RHOBTB3: variants seen among roughly 807,000 people sequenced by gnomAD.
The protein encoded by RHOBTB3 is rho-related BTB domain-containing protein 3.
RHOBTB3 carries 47 observed loss-of-function variants against 67.2 expected under a neutral mutation model. The ratio of observed to expected loss-of-function variants is 0.70; its 90% CI spans 0.55 to 0.89. The LOEUF is 0.89. Ranked by LOEUF, RHOBTB3 falls within the 40% of genes least tolerant of loss-of-function variation. RHOBTB3 has a pLI of 0.00. For synonymous variants in RHOBTB3, 273 were observed against 274.2 expected (o/e 1.00, Z 0.04); for missense variants, 631 against 750.0 (o/e 0.84, Z 1.85).
intron 4 of RHOBTB3, among the ~76,000 whole-genome samples, chr5:95,748,934 C>T (rs904883577): frequency 2.6e-5 from 4 of 152,180 alleles, no homozygotes; most frequent in African/African-American, 9.7e-5. Flanking sequence ...TCCTCCTAAT[C>T]TTGTTGTGGC....
chr5:95,735,881 GCC>G (rs1755443103), intron 2 of RHOBTB3, among the ~76,000 whole-genome samples: 1 of 152,170 alleles, frequency 6.6e-6, no homozygotes, highest in African/African-American at 2.4e-5. Context: ...TGGGCAGACT[GCC>G]TGAGCTCAGA....
In RHOBTB3 at chr5:95,748,453, A is replaced by G; in HGVS notation, c.536A>G (p.Asp179Gly). The G allele has an allele frequency of 6.2e-7, 1 of 1,613,336 alleles. No homozygotes were observed. The highest frequency in any genetic ancestry group is 1.1e-5 in the South Asian group (1 of 90,972). ...GATYLELHSL[D>G]DFYIGKYFGG... is the part of the protein sequence containing the mutation. Reference sequence around the variant, plus strand: ...ACCTATCTTGAACTCCACAGCCTTGATGACTTCTACATAGGAAAGTATTTT... The same window carrying G: ...ACCTATCTTGAACTCCACAGCCTTGGTGACTTCTACATAGGAAAGTATTTT... The change falls in exon 4 of 12, where the codon GAT becomes GGT. Residue 179 changes from aspartate (D) to glycine (G), a missense_variant. Transcript: ENST00000379982.
chr5:95,720,950 T>C (rs570712173), intron 1 of RHOBTB3, among the ~76,000 whole-genome samples: 40 of 152,356 alleles, frequency 2.6e-4, no homozygotes, highest in Non-Finnish European at 4.7e-4. Flanking sequence ...TAGAATTTAA[T>C]GGGTTCTTCT....
rs1314796462 is a variant in RHOBTB3, at chr5:95,772,875, C to T, written c.1282+4709C>T. ...AAATGAAAGAGGGTCCATCTCTTTGCCAGCGATGTTCATTTTGCAGCATAG... is the reference window on the plus strand; with the variant it reads ...AAATGAAAGAGGGTCCATCTCTTTGTCAGCGATGTTCATTTTGCAGCATAG... On this transcript the variant is annotated intron_variant, in intron 8 of 11. Coordinates refer to ENST00000379982, the MANE Select transcript of RHOBTB3 (RefSeq NM_014899.4). Among the ~76,000 whole-genome samples the T allele has an allele frequency of 3.9e-5, 6 of 152,236 alleles. No individual in the cohort carries two copies. The East Asian group carries it at 1.2e-3, about 29-fold the overall frequency.
At chr5:95,754,089 C>G (rs1745172433) in intron 5 of RHOBTB3, among the ~76,000 whole-genome samples, 1 of 151,540 alleles carries the variant, frequency 6.6e-6, no homozygotes, top group African/African-American at 2.4e-5. Context: ...GAGACTCTGT[C>G]TCAAAAAAAA....
In RHOBTB3 at chr5:95,732,023, C is replaced by G; in HGVS notation, c.167C>G (p.Thr56Ser). The G allele has an allele frequency of 6.2e-7, 1 of 1,614,194 alleles. No individual in the cohort carries two copies. Among genetic ancestry groups the G allele is most frequent in the Non-Finnish European group, 8.5e-7 (1 of 1,180,040 alleles). ...AASTVARPVFTEYQASAFGNV... is the reference protein window; with the variant it reads ...AASTVARPVFSEYQASAFGNV... ...AGCACGGTCGCGCGTCCGGTGTTCA[C>G]CGAGTATCAGGCCAGTGCGTTTGGG... The change falls in exon 2 of 12, where the codon ACC becomes AGC. Residue 56 changes from threonine to serine, a missense_variant. Thr to Ser is a moderately conservative substitution (Grantham distance 58). Transcript: ENST00000379982.
rs549144030 is a variant in RHOBTB3 at position 95,783,911 on chromosome 5, G to A, written c.1571G>A (p.Arg524Lys). 1 of 1,613,946 alleles carries A rather than the reference G, an allele frequency of 6.2e-7. No homozygotes were observed. The highest frequency in any genetic ancestry group is 8.5e-7 in the Non-Finnish European group (1 of 1,179,874). Residue 524 changes from arginine (R) to lysine (K), a missense_variant, in exon 10 of 12, where the codon AGG (arginine) becomes AAG (lysine). Coordinates refer to ENST00000379982, the MANE Select transcript of RHOBTB3 (RefSeq NM_014899.4). ...ACCCAGCTGCAGAGCATGCCAAGCA[G>A]GGAACTGGCATCCATGAACCTTGAT... is the stretch of plus-strand genomic sequence containing the variant. ...IITQLQSMPSRELASMNLDIV... is the reference protein window; with the variant it reads ...IITQLQSMPSKELASMNLDIV...
At chr5:95,773,932 G>A (rs1024509460) in intron 8 of RHOBTB3, among the ~76,000 whole-genome samples, 23 of 152,206 alleles carry the variant, frequency 1.5e-4, no homozygotes, top group African/African-American at 5.6e-4. Context: ...CATTCTGAGT[G>A]AGGAAATAAG....
At chr5:95,785,455 A>G (rs1484675547) in intron 10 of RHOBTB3, among the ~76,000 whole-genome samples, 1 of 151,992 alleles carries the variant, frequency 6.6e-6, no homozygotes, top group African/African-American at 2.4e-5. Flanking sequence ...TTAGCTGGGT[A>G]TAGTGGCGGG....
chr5:95,763,831 A>T (rs941218382), intron 7 of RHOBTB3, among the ~76,000 whole-genome samples: 53 of 100,586 alleles, frequency 5.3e-4, no homozygotes, highest in Non-Finnish European at 8.5e-4. Flanking sequence ...TGTGTGTGTG[A>T]GACAGAGACC....
intron 8 of RHOBTB3, chr5:95,770,633 T>A: frequency 8.2e-6 from 4 of 490,610 alleles, no homozygotes; most frequent in South Asian, 6.2e-5. Context: ...ACAGCAGAAG[T>A]CACAGAAATT....
intron 2 of RHOBTB3, chr5:95,732,380 C>G: frequency 1.8e-6 from 1 of 570,272 alleles, no homozygotes; most frequent in Non-Finnish European, 3.1e-6. Flanking sequence ...TGTGCCAACT[C>G]CAAGGGACGG....
chr5:95,719,033 G>A (rs1202094239), intron 1 of RHOBTB3, among the ~76,000 whole-genome samples: 1 of 152,156 alleles, frequency 6.6e-6, no homozygotes, highest in Non-Finnish European at 1.5e-5. Context: ...AAGTGGAGGG[G>A]AGGTGAAGGT....
intron 1 of RHOBTB3, among the ~76,000 whole-genome samples, chr5:95,720,363 T>C (rs1754832982): frequency 6.6e-6 from 1 of 152,250 alleles, no homozygotes; most frequent in South Asian, 2.1e-4. Flanking sequence ...TTTGAGATTA[T>C]GATGGGGATC....
At chr5:95,756,437 T>G (rs1226231925) in intron 6 of RHOBTB3, among the ~76,000 whole-genome samples, 4 of 152,252 alleles carry the variant, frequency 2.6e-5, no homozygotes, top group Non-Finnish European at 5.9e-5. Flanking sequence ...TTCCACTGTT[T>G]TAGCTATTGT....
At chr5:95,723,524 G>A (rs1040376824) in intron 1 of RHOBTB3, among the ~76,000 whole-genome samples, 4 of 152,230 alleles carry the variant, frequency 2.6e-5, no homozygotes, top group African/African-American at 4.8e-5. Context: ...CATGAAGTAC[G>A]TGCAAACTCT....
rs901786369 is a variant in RHOBTB3, at chr5:95,731,581, G to C, written c.-102G>C. The C allele has an allele frequency of 1.9e-6, 3 of 1,545,584 alleles. No individual in the cohort carries two copies. Among genetic ancestry groups the C allele is most frequent in the Non-Finnish European group, 2.6e-6 (3 of 1,146,708 alleles). On this transcript the variant is annotated 5_prime_UTR_variant, in exon 1 of 12. Transcript: ENST00000379982. ...GGAGGCGCGCGAGGGGGACGCGGCCGGGGATGAGCGGATTGCGGGTGAACT... is the reference window on the plus strand; with the variant it reads ...GGAGGCGCGCGAGGGGGACGCGGCCCGGGATGAGCGGATTGCGGGTGAACT...
rs1755251452 is a variant in RHOBTB3, at chr5:95,731,576, C to T, written c.-107C>T. The T allele has an allele frequency of 5.2e-6, 8 of 1,529,550 alleles. No homozygotes were observed. Among genetic ancestry groups the T allele is most frequent in the South Asian group, 1.2e-5 (1 of 81,606 alleles). The allele number at this position is 1,529,550 out of a possible 1,614,324, so 94.7% of individuals were successfully genotyped here. A position where few individuals can be genotyped will look rare whatever the true frequency, so the allele number is the denominator to read the frequency against. On this transcript the variant is annotated 5_prime_UTR_variant, in exon 1 of 12. Coordinates refer to ENST00000379982, the MANE Select transcript of RHOBTB3 (RefSeq NM_014899.4). ...GCGGTGGAGGCGCGCGAGGGGGACG[C>T]GGCCGGGGATGAGCGGATTGCGGGT...
chr5:95,737,371 G>C (rs1755478873), intron 3 of RHOBTB3, among the ~76,000 whole-genome samples: 2 of 152,208 alleles, frequency 1.3e-5, no homozygotes, highest in Admixed American at 1.3e-4. Context: ...TTAGGCTGAT[G>C]CTGAGCCCTA....
Sources: allele counts gnomAD v4.1 joint callset (sites outside exome capture counted in the v4.1 genomes callset), GRCh38; gene constraint gnomAD v4.1.1; transcripts MANE v1.5; gene names NCBI Gene and HGNC (gene_info 2026-07-23, HGNC 2026-07-21).